Variants in NRG1 observed in about 807,000 individuals in gnomAD.
NRG1 encodes the protein neuregulin 1, also known as pro-neuregulin-1, membrane-bound isoform.
Under a neutral mutation model 63.8 loss-of-function variants are expected in NRG1, and 18 were observed. The ratio of observed to expected loss-of-function variants is 0.28; its 90% confidence interval spans 0.19 to 0.42. The LOEUF (loss-of-function observed/expected upper bound fraction) is 0.42. NRG1 is among the 10% of genes least tolerant of loss of function. The pLI is 1.00. For synonymous variants in NRG1, 302 were observed against 301.3 expected (o/e 1.00, Z -0.02); for missense variants, 762 against 814.7 (o/e 0.94, Z 0.79).
At chr8:32,758,105 C>T (rs1005299416) in intron 9 of NRG1, among the ~76,000 whole-genome samples, 3 of 152,082 alleles carry the variant, frequency 2.0e-5, no homozygotes, top group African/African-American at 4.8e-5. Context: ...ATTTAGAGCC[C>T]GCAGACCGTC....
chr8:31,789,094 C>T (rs1032524714), intron 1 of NRG1, among the ~76,000 whole-genome samples: 1 of 152,152 alleles, frequency 6.6e-6, no homozygotes, highest in Non-Finnish European at 1.5e-5. Flanking sequence ...CTCGCATTTC[C>T]ACCTTTCTGG....
intron 1 of NRG1, among the ~76,000 whole-genome samples, chr8:31,697,770 C>T (rs1259223921): frequency 2.0e-5 from 3 of 152,144 alleles, no homozygotes; most frequent in African/African-American, 7.2e-5. Context: ...CTAACTCTGT[C>T]CCTTCTGTAA....
intron 1 of NRG1, among the ~76,000 whole-genome samples, chr8:31,650,967 C>T (rs955798558): frequency 1.3e-5 from 2 of 152,266 alleles, no homozygotes; most frequent in East Asian, 1.9e-4. Context: ...TTTCAAGGTC[C>T]GTTTAAACTG....
At chr8:32,366,699 ATATATATATATATATC>A (rs1808094470) in intron 1 of NRG1, among the ~76,000 whole-genome samples, 1 of 98,184 alleles carries the variant, frequency 1.0e-5, no homozygotes, top group Non-Finnish European at 2.3e-5. Flanking sequence ...ATATATATAT[ATATATATATATATATC>A]TCACTTTTTT....
intron 5 of NRG1, among the ~76,000 whole-genome samples, chr8:32,662,358 T>C (rs919308899): frequency 2.6e-5 from 4 of 152,150 alleles, no homozygotes; most frequent in African/African-American, 7.2e-5. Flanking sequence ...ATGGCTTAAG[T>C]GTAGCATGGG....
At chr8:32,570,630 A>G (rs1052339335) in intron 1 of NRG1, among the ~76,000 whole-genome samples, 2 of 152,166 alleles carry the variant, frequency 1.3e-5, no homozygotes, top group South Asian at 4.1e-4. Flanking sequence ...AAAAATCAGA[A>G]TATTTTCAAA....
intron 1 of NRG1, among the ~76,000 whole-genome samples, chr8:31,653,248 A>T (rs1056612580): frequency 6.6e-6 from 1 of 152,100 alleles, no homozygotes; most frequent in African/African-American, 2.4e-5. Flanking sequence ...TCAACAAAAA[A>T]TACTGACTTG....
At position 32,395,976 on chromosome 8, in the gene NRG1, A is replaced by C. The variant is rs920794331; in HGVS notation, c.38-199852A>C. ...CAAGCATCCTAAGCATCTTTTGCCCAAAAGATAATCTTTTTTATACTGAGT... is the reference window on the plus strand; with the variant it reads ...CAAGCATCCTAAGCATCTTTTGCCCCAAAGATAATCTTTTTTATACTGAGT... On this transcript the variant is annotated intron_variant, in intron 1 of 10. Coordinates refer to the NRG1 transcript ENST00000519301. 9.8e-5 allele frequency among the ~76,000 whole-genome samples: 15 copies of C among 152,306 alleles called. No homozygotes were observed. In the South Asian group the frequency reaches 2.9e-3, roughly 29 times the overall value.
chr8:31,985,591 TACTC>T (rs972815074), intron 1 of NRG1, among the ~76,000 whole-genome samples: 14 of 152,168 alleles, frequency 9.2e-5, no homozygotes, highest in African/African-American at 3.4e-4. Flanking sequence ...TTACTTTAGA[TACTC>T]AGAGTAGAAT....
intron 1 of NRG1, among the ~76,000 whole-genome samples, chr8:31,745,887 G>A (rs1815800242): frequency 1.3e-5 from 2 of 151,884 alleles, no homozygotes; most frequent in African/African-American, 2.4e-5. Context: ...GAGGTTATTT[G>A]AAAAATACAT....
intron 1 of NRG1, among the ~76,000 whole-genome samples, chr8:32,542,400 T>C (rs1161879281): frequency 6.6e-6 from 1 of 152,200 alleles, no homozygotes; most frequent in Admixed American, 6.5e-5. Flanking sequence ...CACACACTTC[T>C]GTATGTATAG....
intron 1 of NRG1, among the ~76,000 whole-genome samples, chr8:32,283,686 T>C (rs892041582): frequency 2.0e-5 from 3 of 152,206 alleles, no homozygotes; most frequent in African/African-American, 4.8e-5. Context: ...GGGTTTCTAT[T>C]AGAGTTTCTC....
intron 1 of NRG1, among the ~76,000 whole-genome samples, chr8:31,971,774 T>C (rs916196897): frequency 2.0e-5 from 3 of 152,186 alleles, no homozygotes; most frequent in Admixed American, 1.3e-4. Flanking sequence ...CATTTCCTTT[T>C]TCTTTTCTTT....
intron 1 of NRG1, among the ~76,000 whole-genome samples, chr8:32,366,242 G>A (rs899070654): frequency 4.6e-5 from 7 of 152,060 alleles, no homozygotes; most frequent in Non-Finnish European, 1.0e-4. Flanking sequence ...AATATACAAT[G>A]TATTGTTAAC....
At chr8:32,429,724 A>G (rs773696476) in intron 1 of NRG1, among the ~76,000 whole-genome samples, 8 of 152,102 alleles carry the variant, frequency 5.3e-5, no homozygotes, top group Non-Finnish European at 1.0e-4. Context: ...CAGTGTGGCC[A>G]TTTCTCCTCA....
At chr8:31,848,448 G>A (rs1826895018) in intron 1 of NRG1, among the ~76,000 whole-genome samples, 1 of 152,104 alleles carries the variant, frequency 6.6e-6, no homozygotes, top group Admixed American at 6.6e-5. Flanking sequence ...TGTGAATTGG[G>A]CAATGCTGTT....
At chr8:32,575,403 A>G (rs1056857730) in intron 1 of NRG1, among the ~76,000 whole-genome samples, 3 of 152,000 alleles carry the variant, frequency 2.0e-5, no homozygotes, top group Admixed American at 6.6e-5. Flanking sequence ...CTAATACTAT[A>G]AAAGTTCCCT....
chr8:32,106,757 A>G (rs1454858140), intron 1 of NRG1, among the ~76,000 whole-genome samples: 1 of 152,220 alleles, frequency 6.6e-6, no homozygotes, highest in Non-Finnish European at 1.5e-5. Context: ...CTTTTTAAAA[A>G]AAATGGAACT....
chr8:31,666,237 G>C (rs935913339), intron 1 of NRG1, among the ~76,000 whole-genome samples: 2 of 152,114 alleles, frequency 1.3e-5, no homozygotes, highest in Non-Finnish European at 2.9e-5. Flanking sequence ...AGAGAAGGAG[G>C]TGGGCATGTG....
Sources: gnomAD v4.1 joint callset for allele counts (sites outside exome capture counted in the v4.1 genomes callset) on GRCh38, gnomAD v4.1.1 for gene constraint, MANE v1.5 for transcripts, NCBI Gene and HGNC (gene_info 2026-07-23, HGNC 2026-07-21) for gene names.